RBFOX1: variants seen among roughly 807,000 people sequenced by gnomAD.
The protein encoded by RBFOX1 is RNA binding fox-1 homolog 1.
RBFOX1 carries 8 observed loss-of-function variants against 57.7 expected under a neutral mutation model. That is an observed-to-expected ratio of 0.14 (90% CI 0.08 to 0.25). The LOEUF (loss-of-function observed/expected upper bound fraction) is 0.25. RBFOX1 is among the 10% of genes least tolerant of loss of function. The pLI, the probability that RBFOX1 is intolerant of heterozygous loss-of-function variation, is 1.00. For synonymous variants in RBFOX1, 326 were observed against 222.4 expected (o/e 1.47, Z -4.15); for missense variants, 611 against 548.5 (o/e 1.11, Z -1.14).
At chr16:7,638,751 A>G (rs569096315) in intron 11 of RBFOX1, among the ~76,000 whole-genome samples, 79 of 152,328 alleles carry the variant, frequency 5.2e-4, no homozygotes, top group African/African-American at 1.7e-3. Flanking sequence ...AGGTTGAAAC[A>G]TGAATGAATA....
At chr16:6,302,268 A>G (rs549976617) in intron 1 of RBFOX1, among the ~76,000 whole-genome samples, 1 of 151,562 alleles carries the variant, frequency 6.6e-6, no homozygotes, top group African/African-American at 2.4e-5. Context: ...CAGTTTTATG[A>G]CTTTCCTTTC....
chr16:5,841,306 A>G (rs2056618011), intron 3 of RBFOX1, among the ~76,000 whole-genome samples: 1 of 152,204 alleles, frequency 6.6e-6, no homozygotes. Flanking sequence ...GAACCCACAC[A>G]GCTGGATTCA....
At chr16:7,472,995 C>T (rs1248430400) in intron 4 of RBFOX1, among the ~76,000 whole-genome samples, 1 of 134,138 alleles carries the variant, frequency 7.5e-6, no homozygotes, top group East Asian at 2.1e-4. Context: ...GCAAGCTCTC[C>T]ATTCCTCTCA....
At chr16:7,230,548 CAATGAAGG>C (rs2093438782) in intron 4 of RBFOX1, among the ~76,000 whole-genome samples, 1 of 152,082 alleles carries the variant, frequency 6.6e-6, no homozygotes, top group Non-Finnish European at 1.5e-5. Flanking sequence ...CCTCCCCAGT[CAATGAAGG>C]AAAGGAAAGG....
chr16:7,434,299 G>A (rs1387500009), intron 4 of RBFOX1, among the ~76,000 whole-genome samples: 2 of 151,854 alleles, frequency 1.3e-5, no homozygotes, highest in Non-Finnish European at 2.9e-5. Flanking sequence ...GTGAAACCCC[G>A]TCTCTACTAA....
intron 4 of RBFOX1, among the ~76,000 whole-genome samples, chr16:7,158,972 C>G (rs997866165): frequency 6.6e-6 from 1 of 152,086 alleles, no homozygotes; most frequent in East Asian, 1.9e-4. Flanking sequence ...AGATATACAA[C>G]AGTTCCATCA....
At chr16:5,704,343 C>A (rs979750657) in intron 3 of RBFOX1, among the ~76,000 whole-genome samples, 1 of 151,992 alleles carries the variant, frequency 6.6e-6, no homozygotes, top group Non-Finnish European at 1.5e-5. Context: ...GTACTCTCTG[C>A]TTATCTCTCA....
chr16:7,360,637 A>G (rs962410527), intron 4 of RBFOX1, among the ~76,000 whole-genome samples: 11 of 152,196 alleles, frequency 7.2e-5, no homozygotes, highest in South Asian at 2.1e-4. Context: ...ATCCCTCCCT[A>G]TGATACAAAG....
intron 4 of RBFOX1, among the ~76,000 whole-genome samples, chr16:7,157,395 C>G (rs1057483648): frequency 6.6e-6 from 1 of 151,756 alleles, no homozygotes; most frequent in Non-Finnish European, 1.5e-5. Context: ...GGTTGCAGCC[C>G]ATGTAAAATG....
chr16:6,684,524 C>T (rs1699940134), intron 3 of RBFOX1, among the ~76,000 whole-genome samples: 1 of 152,126 alleles, frequency 6.6e-6, no homozygotes, highest in African/African-American at 2.4e-5. Flanking sequence ...GAAATTGCTG[C>T]AGTGGAAACA....
intron 1 of RBFOX1, among the ~76,000 whole-genome samples, chr16:5,438,560 A>C (rs1424929077): frequency 1.3e-5 from 2 of 152,086 alleles, no homozygotes; most frequent in African/African-American, 4.8e-5. Context: ...CCACCCAGCT[A>C]GTTCTCCTAT....
chr16:5,746,201 T>A (rs1439985646), intron 3 of RBFOX1, among the ~76,000 whole-genome samples: 9 of 152,218 alleles, frequency 5.9e-5, no homozygotes, highest in South Asian at 4.1e-4. Flanking sequence ...AGGGAATCCT[T>A]CCCCCATTTC....
chr16:6,626,032 T>G (rs1199499425), intron 2 of RBFOX1, among the ~76,000 whole-genome samples: 2 of 152,186 alleles, frequency 1.3e-5, no homozygotes, highest in Non-Finnish European at 1.5e-5. Flanking sequence ...AAGAAACAGC[T>G]TCACCTAATT....
chr16:6,899,769 C>A (rs942039437), intron 3 of RBFOX1, among the ~76,000 whole-genome samples: 1 of 152,214 alleles, frequency 6.6e-6, no homozygotes, highest in Admixed American at 6.5e-5. Flanking sequence ...GAATGAAGTA[C>A]ATCATACTTA....
At chr16:7,238,234 G>T (rs370729895) in intron 4 of RBFOX1, among the ~76,000 whole-genome samples, 37 of 152,102 alleles carry the variant, frequency 2.4e-4, no homozygotes, top group East Asian at 1.5e-3. Context: ...TTTCAGTTTT[G>T]CAAGATGAAA....
intron 2 of RBFOX1, among the ~76,000 whole-genome samples, chr16:5,502,369 T>TGTAG (rs1321822117): frequency 6.6e-6 from 1 of 151,122 alleles, no homozygotes; most frequent in Non-Finnish European, 1.5e-5. Flanking sequence ...ATGTGGACAC[T>TGTAG]GTAGGGGTGG....
chr16:5,508,379 C>A (rs1296384531), intron 2 of RBFOX1, among the ~76,000 whole-genome samples: 3 of 152,202 alleles, frequency 2.0e-5, no homozygotes, highest in African/African-American at 7.2e-5. Context: ...TTGTTGCATC[C>A]CAGCTAGCAG....
chr16:7,672,166 A>T (rs889481563), intron 13 of RBFOX1, among the ~76,000 whole-genome samples: 12 of 152,190 alleles, frequency 7.9e-5, no homozygotes, highest in African/African-American at 2.9e-4. Flanking sequence ...TATAGCTTTT[A>T]AACCTATTTC....
intron 1 of RBFOX1, among the ~76,000 whole-genome samples, chr16:5,466,151 G>T (rs2068946351): frequency 6.6e-6 from 1 of 152,250 alleles, no homozygotes; most frequent in African/African-American, 2.4e-5. Context: ...TACGGCAGAA[G>T]CGCAAGCTTG....
Sources: allele counts gnomAD v4.1 joint callset (sites outside exome capture counted in the v4.1 genomes callset), GRCh38; gene constraint gnomAD v4.1.1; transcripts MANE v1.5; gene names NCBI Gene and HGNC (gene_info 2026-07-23, HGNC 2026-07-21).